DHRSX: variants seen among roughly 807,000 people sequenced by gnomAD.
DHRSX encodes the protein dehydrogenase/reductase X-linked.
Under a neutral mutation model 34.0 loss-of-function variants are expected in DHRSX, and 31 were observed. The ratio of observed to expected loss-of-function variants is 0.91; its 90% CI spans 0.69 to 1.23. DHRSX has a LOEUF of 1.23. Ranked by LOEUF, DHRSX falls within the 50% of genes most tolerant of loss-of-function variation. The pLI is 0.00. For synonymous variants in DHRSX, 201 were observed against 183.8 expected (o/e 1.09, Z -0.76); for missense variants, 414 against 428.1 (o/e 0.97, Z 0.29).
intron 1 of DHRSX, among the ~76,000 whole-genome samples, chrX:2,427,505 G>A (rs1269824687): frequency 6.6e-6 from 1 of 152,182 alleles, no homozygotes; most frequent in East Asian, 1.9e-4. Flanking sequence ...CAGCACAGGT[G>A]GTATGAGAGG....
intron 1 of DHRSX, chrX:2,490,255 C>T (rs1569346271): frequency 5.6e-6 from 9 of 1,613,814 alleles, no homozygotes; most frequent in East Asian, 2.2e-5. Flanking sequence ...GGGGGTCGGC[C>T]GTCTTCAGCA....
At chrX:2,291,750 G>C in intron 3 of DHRSX, 147 bp from the exon 4 acceptor site, 2 of 658,702 alleles carry the variant, frequency 3.0e-6, no homozygotes. Flanking sequence ...GTCTCGCTCT[G>C]TTGACCGGGC....
At chrX:2,298,595 C>CGT (rs1336089760) in intron 3 of DHRSX, among the ~76,000 whole-genome samples, 13 of 137,782 alleles carry the variant, frequency 9.4e-5, no homozygotes, top group African/African-American at 3.2e-4. Flanking sequence ...CCTGCAGGCG[C>CGT]GTGTGTACAC....
At chrX:2,377,276 C>T in intron 3 of DHRSX, among the ~76,000 whole-genome samples, 1 of 151,940 alleles carries the variant, frequency 6.6e-6, no homozygotes. Flanking sequence ...AGTAATTCTA[C>T]AATACAACTC....
chrX:2,367,610 C>T (rs1363455382), intron 3 of DHRSX, among the ~76,000 whole-genome samples: 1 of 152,010 alleles, frequency 6.6e-6, no homozygotes, highest in African/African-American at 2.4e-5. Context: ...TTAAATGTCT[C>T]CTATTGACCT....
intron 1 of DHRSX, among the ~76,000 whole-genome samples, chrX:2,460,791 C>T (rs2044392296): frequency 6.6e-6 from 1 of 152,012 alleles, no homozygotes; most frequent in Admixed American, 6.6e-5. Context: ...TTATGTTGAC[C>T]AGGCTGGTCT....
At chrX:2,249,893 G>A (rs1219669718) in intron 5 of DHRSX, among the ~76,000 whole-genome samples, 5 of 151,884 alleles carry the variant, frequency 3.3e-5, no homozygotes. Context: ...GCCAGGCATG[G>A]TGGCTCACGT....
rs1396654566 is a variant in DHRSX at position 2,266,915 on chromosome X, T to C, written c.421A>G (p.Arg141Gly). 3 of 1,613,836 alleles carry C rather than the reference T, an allele frequency of 1.9e-6. No homozygotes were observed. Among genetic ancestry groups the C allele is most frequent in the Non-Finnish European group, 2.5e-6 (3 of 1,179,870 alleles). Residue 141 changes from arginine to glycine, a missense_variant, in exon 5 of 7, where the codon AGA becomes GGA. Coordinates refer to ENST00000334651, the MANE Select transcript of DHRSX (RefSeq NM_145177.3). Reference protein sequence around the residue: ...GVMMVPQRKTRDGFEEHFGLN... With the variant: ...GVMMVPQRKTGDGFEEHFGLN... ...CCGAAATGTTCTTCGAATCCATCTCTGGTTTTCCTCTGAGGGACCATCATC... is the reference window on the plus strand; with the variant it reads ...CCGAAATGTTCTTCGAATCCATCTCCGGTTTTCCTCTGAGGGACCATCATC...
intron 2 of DHRSX, among the ~76,000 whole-genome samples, chrX:2,412,686 G>C (rs189215193): frequency 7.2e-5 from 11 of 152,220 alleles, no homozygotes; most frequent in Admixed American, 5.9e-4. Context: ...ACCAACCTAA[G>C]TGTCCATCTA....
At chrX:2,425,557 C>T (rs1430489494) in intron 1 of DHRSX, among the ~76,000 whole-genome samples, 1 of 152,194 alleles carries the variant, frequency 6.6e-6, no homozygotes, top group Non-Finnish European at 1.5e-5. Context: ...CTGGCAGGCT[C>T]TGCAATATGC....
Position 2,493,233 on chromosome X carries a change from C to T in DHRSX, c.109+7584G>A, listed in dbSNP as rs187644661. Reference sequence around the variant, plus strand: ...GAGTTAGGGTGGGGCCCCTGGATTACACAGTCAACGGAGGGGGAAAAGAAT... The same window carrying T: ...GAGTTAGGGTGGGGCCCCTGGATTATACAGTCAACGGAGGGGGAAAAGAAT... On this transcript the variant is annotated intron_variant, in intron 1 of 6. Coordinates refer to ENST00000334651, the MANE Select transcript of DHRSX (RefSeq NM_145177.3). 7.4e-4 allele frequency among the ~76,000 whole-genome samples: 113 copies of T among 152,288 alleles called. 1 individual carries two copies. Among genetic ancestry groups the T allele is most frequent in the Middle Eastern group, 3.4e-3 (1 of 294 alleles).
At chrX:2,467,958 G>A (rs1271163464) in intron 1 of DHRSX, among the ~76,000 whole-genome samples, 2 of 126,446 alleles carry the variant, frequency 1.6e-5, no homozygotes, top group Admixed American at 8.1e-5. Flanking sequence ...GTAAAACTCC[G>A]TCTCAAAAAA....
At chrX:2,256,673 G>A (rs2041284139) in intron 5 of DHRSX, among the ~76,000 whole-genome samples, 1 of 152,028 alleles carries the variant, frequency 6.6e-6, no homozygotes, top group African/African-American at 2.4e-5. Flanking sequence ...TTACAACACT[G>A]TGATTTATTC....
chrX:2,458,714 G>T (rs1309212893), intron 1 of DHRSX, among the ~76,000 whole-genome samples: 3 of 152,034 alleles, frequency 2.0e-5, no homozygotes, highest in Non-Finnish European at 4.4e-5. Context: ...ATTTCAGTTG[G>T]AGGCCAGGAG....
chrX:2,377,436 C>T (rs1285506051), intron 3 of DHRSX, among the ~76,000 whole-genome samples: 1 of 151,814 alleles, frequency 6.6e-6, no homozygotes, highest in Non-Finnish European at 1.5e-5. Flanking sequence ...GCCCACTTCC[C>T]AATAGGGTTC....
At chrX:2,454,900 G>A (rs1013841578) in intron 1 of DHRSX, among the ~76,000 whole-genome samples, 3 of 151,960 alleles carry the variant, frequency 2.0e-5, no homozygotes, top group African/African-American at 7.3e-5. Flanking sequence ...ATTACCTGAG[G>A]TCCGGAGTTC....
chrX:2,227,176 G>C (rs1454562847), intron 6 of DHRSX, among the ~76,000 whole-genome samples: 1 of 152,036 alleles, frequency 6.6e-6, no homozygotes, highest in Non-Finnish European at 1.5e-5. Context: ...GGGGACAGAC[G>C]TGTCTGCACA....
chrX:2,463,051 G>A (rs1479575778), intron 1 of DHRSX, among the ~76,000 whole-genome samples: 2 of 152,162 alleles, frequency 1.3e-5, no homozygotes, highest in Non-Finnish European at 2.9e-5. Flanking sequence ...TGAGCAGGCA[G>A]AGAAAATGCG....
intron 1 of DHRSX, among the ~76,000 whole-genome samples, chrX:2,435,287 G>A (rs1326076357): frequency 6.6e-6 from 1 of 152,072 alleles, no homozygotes; most frequent in Non-Finnish European, 1.5e-5. Flanking sequence ...ACACGGATAC[G>A]AGTAAAACAT....
Sources: allele counts gnomAD v4.1 joint callset (sites outside exome capture counted in the v4.1 genomes callset), GRCh38; gene constraint gnomAD v4.1.1; transcripts MANE v1.5; gene names NCBI Gene and HGNC (gene_info 2026-07-23, HGNC 2026-07-21).